Variants in CCDC201 observed in about 807,000 individuals in gnomAD.
CCDC201 encodes coiled-coil domain-containing protein 201.
chr7:45,877,351 G>C (rs916983518), upstream of CCDC201, among the ~76,000 whole-genome samples: 1 of 152,140 alleles, frequency 6.6e-6, no homozygotes, highest in Non-Finnish European at 1.5e-5. Context: ...TTGACCCCAG[G>C]ATGTAAATAA....
exon 3 of CCDC201, chr7:45,860,990 T>C (rs1407810697): frequency 1.3e-5 from 2 of 152,242 alleles, no homozygotes; most frequent in Non-Finnish European, 2.9e-5. Context: ...GAAATCATCT[T>C]ATATGTGAAA....
chr7:45,875,891 C>T (rs1458817299), upstream of CCDC201, among the ~76,000 whole-genome samples: 1 of 152,184 alleles, frequency 6.6e-6, no homozygotes, highest in Non-Finnish European at 1.5e-5. Context: ...CTTAACAGTT[C>T]CAGGCAAGGA....
chr7:45,883,275 A>T, the CCDC201 span, among the ~76,000 whole-genome samples: 6 of 152,146 alleles, frequency 3.9e-5, no homozygotes, highest in African/African-American at 1.4e-4. Flanking sequence ...GGTGAGACAC[A>T]CACACACCCC....
upstream of CCDC201, among the ~76,000 whole-genome samples, chr7:45,876,525 C>A (rs4146046): frequency 7.2e-5 from 11 of 152,038 alleles, no homozygotes; most frequent in Admixed American, 2.6e-4. Context: ...TTCCAGGTCC[C>A]CAGAGTTGCC....
At chr7:45,867,833 T>C (rs370915853) in intron 1 of CCDC201, among the ~76,000 whole-genome samples, 3 of 152,180 alleles carry the variant, frequency 2.0e-5, no homozygotes, top group African/African-American at 7.2e-5. Flanking sequence ...GATTATCTGG[T>C]AGTTAATTTT....
intron 1 of CCDC201, among the ~76,000 whole-genome samples, chr7:45,867,954 G>A (rs139595701): frequency 4.6e-4 from 70 of 152,338 alleles, no homozygotes; most frequent in African/African-American, 1.5e-3. Flanking sequence ...AGATGGATTA[G>A]GGATATTCAT....
chr7:45,876,362 G>A (rs1289986997), upstream of CCDC201, among the ~76,000 whole-genome samples: 1 of 152,176 alleles, frequency 6.6e-6, no homozygotes, highest in African/African-American at 2.4e-5. Flanking sequence ...GATGTGGCAG[G>A]TGCTATTCCA....
chr7:45,875,695 G>A (rs955104410), upstream of CCDC201, among the ~76,000 whole-genome samples: 2 of 152,236 alleles, frequency 1.3e-5, no homozygotes, highest in African/African-American at 4.8e-5. Flanking sequence ...GAAGGGAGAG[G>A]CTTGTGCAGA....
intron 1 of CCDC201, among the ~76,000 whole-genome samples, chr7:45,868,117 G>A (rs1786699581): frequency 6.6e-6 from 1 of 152,234 alleles, no homozygotes; most frequent in Non-Finnish European, 1.5e-5. Context: ...TCACCCATGA[G>A]GCTGTCATTG....
upstream of CCDC201, among the ~76,000 whole-genome samples, chr7:45,874,589 C>G (rs1786778260): frequency 6.6e-6 from 1 of 152,234 alleles, no homozygotes; most frequent in Non-Finnish European, 1.5e-5. Flanking sequence ...AATGCTCACC[C>G]TCACCCTCTG....
the CCDC201 span, among the ~76,000 whole-genome samples, chr7:45,879,027 T>G: frequency 6.6e-6 from 1 of 152,228 alleles, no homozygotes; most frequent in African/African-American, 2.4e-5. Context: ...GCAGATACCT[T>G]AAATCATCTC....
chr7:45,869,151 G>A lies in CCDC201; in HGVS notation c.19-2657C>T, dbSNP rs149786444. Among the ~76,000 whole-genome samples the A allele has an allele frequency of 6.3e-3, 962 of 152,286 alleles. 1 individual carries two copies. Among genetic ancestry groups the A allele is most frequent in the Non-Finnish European group, 0.01 (708 of 68,032 alleles). On this transcript the variant is annotated intron_variant, in intron 1 of 2. Coordinates refer to ENST00000636578, the Ensembl canonical transcript of CCDC201. ...TGAGATAGTATAGAAAGAGCTATGT[G>A]TTTCACTTCCCACCAAGGCCTTAGA...
At chr7:45,864,502 G>C (rs1036215645) in intron 2 of CCDC201, among the ~76,000 whole-genome samples, 40 of 152,284 alleles carry the variant, frequency 2.6e-4, no homozygotes, top group African/African-American at 8.9e-4. Flanking sequence ...GTTAACCCCC[G>C]GGTGACCCTT....
chr7:45,869,782 G>C (rs1186435246), intron 1 of CCDC201, among the ~76,000 whole-genome samples: 1 of 151,800 alleles, frequency 6.6e-6, no homozygotes, highest in Non-Finnish European at 1.5e-5. Flanking sequence ...GTACAGGCAA[G>C]CTGGAAAACT....
rs573311887 is a variant in CCDC201 at position 45,870,544 on chromosome 7, G to A, written c.18+2446C>T. 2.0e-5 allele frequency among the ~76,000 whole-genome samples: 3 copies of A among 152,264 alleles called. No homozygotes were observed. In the East Asian group the frequency reaches 5.8e-4, roughly 29 times the overall value. ...AAATGTGGACATCAATATTTATATT[G>A]GAAAAGGTTGAATTTATGGCAAAAT... On this transcript the variant is annotated intron_variant, in intron 1 of 2. Coordinates refer to ENST00000636578, the Ensembl canonical transcript of CCDC201.
the CCDC201 span, among the ~76,000 whole-genome samples, chr7:45,884,234 A>G: frequency 1.5e-3 from 226 of 152,180 alleles, 1 homozygote; most frequent in African/African-American, 5.2e-3. Flanking sequence ...CTGAATAGCT[A>G]GACTACAGTC....
At chr7:45,870,802 CCAA>C (rs1215550216) in intron 1 of CCDC201, among the ~76,000 whole-genome samples, 1 of 152,012 alleles carries the variant, frequency 6.6e-6, no homozygotes, top group African/African-American at 2.4e-5. Context: ...AACAAAAAAA[CCAA>C]CAACAACAAA....
the CCDC201 span, among the ~76,000 whole-genome samples, chr7:45,883,460 A>G: frequency 5.9e-5 from 9 of 152,100 alleles, no homozygotes; most frequent in Non-Finnish European, 1.5e-5. Context: ...GGGTCATAGG[A>G]GGAAGGAACA....
At chr7:45,876,311 T>G (rs149916047), upstream of CCDC201, among the ~76,000 whole-genome samples, 925 of 152,222 alleles carry the variant, frequency 6.1e-3, 10 homozygotes, top group African/African-American at 0.021. Flanking sequence ...CCTCCTATAG[T>G]GTAATTATTT....
Sources: gnomAD v4.1 joint callset for allele counts (sites outside exome capture counted in the v4.1 genomes callset) on GRCh38, gnomAD v4.1.1 for gene constraint, MANE v1.5 for transcripts, NCBI Gene and HGNC (gene_info 2026-07-23, HGNC 2026-07-21) for gene names.